ETV6: variants seen among roughly 807,000 people sequenced by gnomAD.
ETV6 encodes transcription factor ETV6.
In ETV6, 16 loss-of-function variants were observed where a neutral mutation model predicts 51.1. The ratio of observed to expected loss-of-function variants is 0.31; its 90% CI spans 0.21 to 0.48. The LOEUF is 0.48. Ranked by LOEUF, ETV6 falls within the 20% of genes least tolerant of loss-of-function variation. ETV6 has a pLI of 0.99. For synonymous variants in ETV6, 240 were observed against 224.1 expected (o/e 1.07, Z -0.64); for missense variants, 458 against 594.8 (o/e 0.77, Z 2.39).
intron 2 of ETV6, among the ~76,000 whole-genome samples, chr12:11,782,772 A>G (rs906682403): frequency 1.3e-5 from 2 of 152,244 alleles, no homozygotes; most frequent in Admixed American, 6.5e-5. Context: ...GGTTTGTATG[A>G]GTGTAAAATG....
chr12:11,858,609 C>T (rs1393243563), intron 4 of ETV6, among the ~76,000 whole-genome samples: 2 of 152,148 alleles, frequency 1.3e-5, no homozygotes, highest in Admixed American at 1.3e-4. Context: ...GTTCTCATCC[C>T]ATCACCCCCT....
intron 1 of ETV6, among the ~76,000 whole-genome samples, chr12:11,655,769 A>G (rs531889241): frequency 1.3e-5 from 2 of 152,238 alleles, no homozygotes; most frequent in Non-Finnish European, 2.9e-5. Context: ...TGGAATTCCC[A>G]GAGTGTGGAC....
intron 1 of ETV6, among the ~76,000 whole-genome samples, chr12:11,718,225 A>G (rs1327918047): frequency 6.6e-6 from 1 of 151,848 alleles, no homozygotes; most frequent in African/African-American, 2.4e-5. Context: ...CGTTCCAGGA[A>G]CCCTGGGCTC....
At chr12:11,730,573 T>C (rs1380978012) in intron 1 of ETV6, among the ~76,000 whole-genome samples, 2 of 152,236 alleles carry the variant, frequency 1.3e-5, no homozygotes, top group Non-Finnish European at 2.9e-5. Flanking sequence ...CTGTGGACTC[T>C]CCTGTGAGGG....
chr12:11,829,851 T>C (rs1022164603), intron 2 of ETV6, among the ~76,000 whole-genome samples: 9 of 152,100 alleles, frequency 5.9e-5, no homozygotes, highest in African/African-American at 2.2e-4. Context: ...AGGACAGAAA[T>C]AGGAAATGTT....
At chr12:11,887,672 C>T (rs1054551539) in intron 7 of ETV6, among the ~76,000 whole-genome samples, 31 of 151,130 alleles carry the variant, frequency 2.1e-4, no homozygotes, top group Admixed American at 8.6e-4. Flanking sequence ...CACTTGAACC[C>T]GGGAGGCAGA....
At chr12:11,717,126 C>T (rs1198025889) in intron 1 of ETV6, among the ~76,000 whole-genome samples, 2 of 152,198 alleles carry the variant, frequency 1.3e-5, no homozygotes, top group African/African-American at 4.8e-5. Flanking sequence ...TGTATTCCTT[C>T]CTGCATCGTA....
rs1013110038 is a variant in ETV6, at chr12:11,684,927, A to G, written c.33+34767A>G. On this transcript the variant is annotated intron_variant, in intron 1 of 7. Transcript: ENST00000396373. ...ACGAACAAGATAATTTCTGCTAACA[A>G]TCAGTGCTCGGAAAGAAACACAGTA... Among the ~76,000 whole-genome samples the G allele has an allele frequency of 3.3e-5, 5 of 152,342 alleles. No homozygotes were observed. The East Asian group carries it at 9.6e-4, about 29-fold the overall frequency.
At chr12:11,752,778 G>C (rs1290379815) in intron 2 of ETV6, 199 bp downstream of exon 2, 2 of 505,970 alleles carry the variant, frequency 4.0e-6, no homozygotes, top group Non-Finnish European at 6.7e-6. Flanking sequence ...GTTTCTCAGT[G>C]TATTCATTTC....
chr12:11,755,384 A>G lies in ETV6; in HGVS notation c.163+2805A>G, dbSNP rs185982552. ...GCCTACTCTATGGCAGTCTAACTTT[A>G]TATACCTCTCCTTGGTAGTCTGCAT... On this transcript the variant is annotated intron_variant, in intron 2 of 7. Coordinates refer to ENST00000396373, the MANE Select transcript of ETV6 (RefSeq NM_001987.5). 5.3e-5 allele frequency among the ~76,000 whole-genome samples: 8 copies of G among 152,342 alleles called. No individual in the cohort carries two copies. In the East Asian group the frequency reaches 1.5e-3, roughly 29 times the overall value.
chr12:11,883,945 A>C (rs1947146189), intron 5 of ETV6, among the ~76,000 whole-genome samples: 1 of 151,874 alleles, frequency 6.6e-6, no homozygotes, highest in African/African-American at 2.4e-5. Flanking sequence ...GTTTTAGCCT[A>C]CCCCAGCCTT....
chr12:11,784,549 A>G (rs1425961542), intron 2 of ETV6, among the ~76,000 whole-genome samples: 2 of 152,176 alleles, frequency 1.3e-5, no homozygotes, highest in Non-Finnish European at 2.9e-5. Flanking sequence ...ACAAACAACA[A>G]TAAAGACCTT....
intron 1 of ETV6, among the ~76,000 whole-genome samples, chr12:11,660,221 A>G (rs544644619): frequency 1.3e-5 from 2 of 152,326 alleles, no homozygotes; most frequent in South Asian, 4.1e-4. Context: ...ACAATTTAGA[A>G]TAAGTATGGT....
Position 11,884,352 on chromosome 12 carries a change from A to G in ETV6, c.1010-93A>G, listed in dbSNP as rs1201955696. 2.3e-5 allele frequency: 32 copies of G among 1,395,098 alleles called. No homozygotes were observed. In the Admixed American group the frequency reaches 5.5e-4, roughly 24 times the overall value. 86.4% of individuals were successfully genotyped at this position (1,395,098 alleles called of 1,614,324 possible). A position where few individuals can be genotyped will look rare whatever the true frequency, so the allele number is the denominator to read the frequency against. On this transcript the variant is annotated intron_variant, in intron 5 of 7. Coordinates refer to ENST00000396373, the MANE Select transcript of ETV6 (RefSeq NM_001987.5). ...GACAATCAGTCAACCCAAGCTAGGC[A>G]GAAGCAGTTGCTGGATTCTTTTTTG...
In ETV6 at chr12:11,667,651, T is replaced by A. The variant is rs544084727; in HGVS notation, c.33+17491T>A. 1.7e-3 allele frequency among the ~76,000 whole-genome samples: 253 copies of A among 149,804 alleles called. 2 individuals are homozygous for A. Among genetic ancestry groups the A allele is most frequent in the Admixed American group, 3.0e-3 (45 of 14,986 alleles). ...CTCCAGCGATCCTCCCACCTCAGCT[T>A]CCCAAGTAGCTGAGGCTACAGGTGT... On this transcript the variant is annotated intron_variant, in intron 1 of 7. Coordinates refer to ENST00000396373, the MANE Select transcript of ETV6 (RefSeq NM_001987.5).
intron 5 of ETV6, among the ~76,000 whole-genome samples, chr12:11,880,051 A>AG (rs60972277): frequency 1.4e-5 from 2 of 148,076 alleles, no homozygotes; most frequent in African/African-American, 2.5e-5. Context: ...AAAAAAAAAA[A>AG]GGAAAAAAAA....
intron 2 of ETV6, chr12:11,826,531 T>A (rs534722917): frequency 1.3e-5 from 2 of 152,414 alleles, no homozygotes; most frequent in African/African-American, 4.8e-5. Context: ...CTTGGGAGTC[T>A]GCCCTTAAAA....
intron 1 of ETV6, among the ~76,000 whole-genome samples, chr12:11,657,665 G>C (rs1864026405): frequency 6.6e-6 from 1 of 152,190 alleles, no homozygotes; most frequent in Non-Finnish European, 1.5e-5. Flanking sequence ...TTTTCCCTTT[G>C]TATGTGGGAG....
intron 2 of ETV6, among the ~76,000 whole-genome samples, chr12:11,837,726 A>G (rs1469558155): frequency 2.0e-5 from 3 of 152,244 alleles, no homozygotes; most frequent in African/African-American, 7.2e-5. Context: ...CCTCTTAGCA[A>G]CACTGATGCC....
Sources: allele counts gnomAD v4.1 joint callset (sites outside exome capture counted in the v4.1 genomes callset), GRCh38; gene constraint gnomAD v4.1.1; transcripts MANE v1.5; gene names NCBI Gene and HGNC (gene_info 2026-07-23, HGNC 2026-07-21).